The following SCUBE3 variants were observed in gnomAD, a reference collection of about 807,000 sequenced individuals.
SCUBE3 encodes the protein signal peptide, CUB and EGF-like domain-containing protein 3.
Under a neutral mutation model 116.8 loss-of-function variants are expected in SCUBE3, and 33 were observed. The ratio of observed to expected loss-of-function variants is 0.28; its 90% CI spans 0.21 to 0.38. The LOEUF (loss-of-function observed/expected upper bound fraction) is 0.38, where lower values mean the gene tolerates loss of function less well. Among genes scored for constraint, SCUBE3 ranks in the 10% least tolerant of loss-of-function variants. The pLI is 1.00. For missense variants in SCUBE3, 1,007 were observed against 1,324.8 expected (o/e 0.76, Z 3.72); for synonymous variants, 418 against 496.9 (o/e 0.84, Z 2.11).
chr6:35,229,640 C>G (rs1382087705), intron 3 of SCUBE3, among the ~76,000 whole-genome samples: 5 of 152,294 alleles, frequency 3.3e-5, no homozygotes, highest in Admixed American at 6.5e-5. Flanking sequence ...TCACCCTCTC[C>G]TCACTGATCT....
chr6:35,242,539 T>TA, intron 13 of SCUBE3, 83 bp from the exon 14 acceptor site: 1 of 1,258,482 alleles, frequency 7.9e-7, no homozygotes, highest in Non-Finnish European at 1.1e-6. Flanking sequence ...TAGTTACAGT[T>TA]AGAGATCTGG....
chr6:35,220,567 A>C (rs753297098), intron 1 of SCUBE3: 1 of 152,118 alleles, frequency 6.6e-6, no homozygotes, highest in Non-Finnish European at 1.5e-5. Context: ...AAGGGAGAAA[A>C]TTCTTGTCCA....
intron 6 of SCUBE3, among the ~76,000 whole-genome samples, chr6:35,237,438 A>T (rs1783822504): frequency 6.6e-6 from 1 of 152,124 alleles, no homozygotes; most frequent in Non-Finnish European, 1.5e-5. Context: ...ATTCTTTCCA[A>T]TCCACTTACA....
chr6:35,214,102 G>T lies in SCUBE3; in HGVS notation c.-317G>T, dbSNP rs1046319400. ...GCTGGGAATTGGGTGGGATTACACG[G>T]AGCAGCCCCGCCGCCGCCGCTGGCA... On this transcript the variant is annotated 5_prime_UTR_variant, in exon 1 of 22. Coordinates refer to ENST00000274938, the MANE Select transcript of SCUBE3 (RefSeq NM_152753.4). This position sits in a 1 kb window ranked among gnomAD's most constrained non-coding sequence, Gnocchi z 6.3. Among the ~76,000 whole-genome samples, 3 of 152,188 alleles carry T rather than the reference G, an allele frequency of 2.0e-5. No individual in the cohort carries two copies. Among genetic ancestry groups the T allele is most frequent in the Admixed American group, 6.5e-5 (1 of 15,292 alleles).
At chr6:35,220,658 G>A (rs1783088778) in intron 1 of SCUBE3, 1 of 152,242 alleles carries the variant, frequency 6.6e-6, no homozygotes, top group South Asian at 2.1e-4. Flanking sequence ...AGGGTCCCCA[G>A]TAAGTGACAA....
chr6:35,239,964 C>A lies in SCUBE3; in HGVS notation c.952+90C>A. 8.9e-7 allele frequency: 1 copy of A among 1,128,050 alleles called. No individual in the cohort carries two copies. The highest frequency in any genetic ancestry group is 1.2e-6 in the Non-Finnish European group (1 of 811,820). 69.9% of individuals were successfully genotyped at this position (1,128,050 alleles called of 1,614,324 possible). ...CCAGAGGGCTAAAGTCTTAGAAACT[C>A]AATAGATATCACACAGAGTCTCTAG... is the stretch of plus-strand genomic sequence containing the variant. On this transcript the variant is annotated intron_variant, in intron 8 of 21. Coordinates refer to ENST00000274938, the MANE Select transcript of SCUBE3 (RefSeq NM_152753.4). The surrounding 1 kb of genome is among the most constrained non-coding windows in gnomAD (Gnocchi z 4.1).
chr6:35,241,023 C>A lies in SCUBE3; in HGVS notation c.1070-118C>A. 1.1e-6 allele frequency: 1 copy of A among 934,072 alleles called. No individual in the cohort carries two copies. Among genetic ancestry groups the A allele is most frequent in the Non-Finnish European group, 1.6e-6 (1 of 613,884 alleles). The allele number at this position is 934,072 out of a possible 1,614,324, so 57.9% of individuals were successfully genotyped here. A position where few individuals can be genotyped will look rare whatever the true frequency, so the allele number is the denominator to read the frequency against. On this transcript the variant is annotated intron_variant, in intron 9 of 21. Coordinates refer to ENST00000274938, the MANE Select transcript of SCUBE3 (RefSeq NM_152753.4). This position sits in a 1 kb window ranked among gnomAD's most constrained non-coding sequence, Gnocchi z 4.1. ...GTACAGTAGATCTCTCGAACTTATT[C>A]ATCTTGCGTAATGCAGGGTACCTGA...
chr6:35,236,912 T>C (rs1783799163), intron 6 of SCUBE3, among the ~76,000 whole-genome samples: 1 of 152,182 alleles, frequency 6.6e-6, no homozygotes, highest in Admixed American at 6.5e-5. Context: ...TGGCTTTTCC[T>C]TGGACACATC....
In SCUBE3 at chr6:35,244,689, A is replaced by G; in HGVS notation, c.2279A>G (p.His760Arg). Residue 760 changes from histidine (H) to arginine (R), a missense_variant, in exon 18 of 22, where the codon CAC becomes CGC. By Grantham distance (29) the His-to-Arg change is conservative (BLOSUM62 0). Transcript: ENST00000274938. The surrounding 1 kb of genome is among the most constrained non-coding windows in gnomAD (Gnocchi z 4.3). ...GGGCACTACTACAACACCAGCATCCACCGCTGTATTCGCTGTGCCATGGGC... is the reference window on the plus strand; with the variant it reads ...GGGCACTACTACAACACCAGCATCCGCCGCTGTATTCGCTGTGCCATGGGC... Reference protein sequence around the residue: ...SPGHYYNTSIHRCIRCAMGSY... With the variant: ...SPGHYYNTSIRRCIRCAMGSY... The G allele has an allele frequency of 1.2e-6, 2 of 1,613,942 alleles. No individual in the cohort carries two copies. Among genetic ancestry groups the G allele is most frequent in the Non-Finnish European group, 1.7e-6 (2 of 1,179,976 alleles).
chr6:35,245,485 A>G lies in SCUBE3; in HGVS notation c.2599+60A>G, dbSNP rs1412640188. On this transcript the variant is annotated intron_variant, in intron 19 of 21. Coordinates refer to ENST00000274938, the MANE Select transcript of SCUBE3 (RefSeq NM_152753.4). This position sits in a 1 kb window ranked among gnomAD's most constrained non-coding sequence, Gnocchi z 4.2. ...AGTCCAAATCTGGTTAAGGCGGAGAACAAAGAGAGAGACTGATACAGGAAG... is the reference window on the plus strand; with the variant it reads ...AGTCCAAATCTGGTTAAGGCGGAGAGCAAAGAGAGAGACTGATACAGGAAG... 2 of 1,389,900 alleles carry G rather than the reference A, an allele frequency of 1.4e-6. No individual in the cohort carries two copies. Among genetic ancestry groups the G allele is most frequent in the Non-Finnish European group, 2.0e-6 (2 of 977,096 alleles). The allele number at this position is 1,389,900 out of a possible 1,614,324, so 86.1% of individuals were successfully genotyped here. A position where few individuals can be genotyped will look rare whatever the true frequency, so the allele number is the denominator to read the frequency against.
Position 35,245,238 on chromosome 6 carries a change from T to C in SCUBE3, c.2412T>C (p.Cys804=). The C allele has an allele frequency of 6.2e-7, 1 of 1,614,168 alleles. No homozygotes were observed. The highest frequency in any genetic ancestry group is 8.5e-7 in the Non-Finnish European group (1 of 1,180,028). Residue 804 remains cysteine, a synonymous_variant, in exon 19 of 22, where the codon TGT becomes TGC. Coordinates refer to ENST00000274938, the MANE Select transcript of SCUBE3 (RefSeq NM_152753.4). This position sits in a 1 kb window ranked among gnomAD's most constrained non-coding sequence, Gnocchi z 4.2. ...GGGGTTTGGCTGCAGATCGTCAGTGTGGTGGGGAGCTGGGTGAGTTCACTG... is the reference window on the plus strand; with the variant it reads ...GGGGTTTGGCTGCAGATCGTCAGTGCGGTGGGGAGCTGGGTGAGTTCACTG... ...TSVAQCKNRQ[C]GGELGEFTGY... is the part of the protein sequence containing the mutation.
intron 21 of SCUBE3, 134 bp from the exon 22 acceptor site, chr6:35,248,422 G>T: frequency 1.3e-6 from 1 of 785,806 alleles, no homozygotes. Context: ...GTGGGAATGG[G>T]AATCCAGAGT....
Position 35,242,255 on chromosome 6 carries a change from C to T in SCUBE3, c.1469C>T (p.Ala490Val). The change falls in exon 13 of 22, where the codon GCC becomes GTC. Residue 490 changes from alanine (A) to valine (V), a missense_variant. Ala to Val is a moderately conservative substitution (Grantham distance 64, BLOSUM62 0). This residue lies in a region of SCUBE3 where 544 missense variants were observed against 638.9 expected (regional missense o/e 0.85). Coordinates refer to ENST00000274938, the MANE Select transcript of SCUBE3 (RefSeq NM_152753.4). ...KQRASFKIKD[A>V]KCRLHLRNKG... is the part of the protein sequence containing the mutation. The stretch of plus-strand genomic sequence containing the variant: ...CGGGCCTCCTTCAAGATCAAGGATG[C>T]CAAATGCCGTTTGCACCTGCGAAAC... 2.5e-6 allele frequency: 4 copies of T among 1,614,050 alleles called. No individual in the cohort carries two copies. The highest frequency in any genetic ancestry group is 3.4e-6 in the Non-Finnish European group (4 of 1,179,918).
rs747450031 is a variant in SCUBE3, at chr6:35,237,949, G to A, written c.760G>A (p.Ala254Thr). 1.2e-6 allele frequency: 2 copies of A among 1,613,416 alleles called. No homozygotes were observed. The highest frequency in any genetic ancestry group is 1.7e-5 in the Admixed American group (1 of 60,024). Residue 254 changes from alanine (A) to threonine (T), a missense_variant, in exon 7 of 22, where the codon GCA becomes ACA. Transcript: ENST00000274938. The part of the protein sequence containing the change: ...NGGCDSKCHD[A>T]ATGVHCTCPV... ...GGGCTGTGACAGTAAGTGCCATGAT[G>A]CAGCGACTGGTGTCCACTGCACCTG...
Position 35,241,773 on chromosome 6 carries a change from C to A in SCUBE3, c.1313-33C>A. 1 of 1,568,422 alleles carries A rather than the reference C, an allele frequency of 6.4e-7. No individual in the cohort carries two copies. Among genetic ancestry groups the A allele is most frequent in the Non-Finnish European group, 8.8e-7 (1 of 1,138,390 alleles). Reference sequence around the variant, plus strand: ...CTCCAGCCAGCGGGGGTTGGGAAGGCAGGTCAGAACTGTGACAGGCTCCTT... The same window carrying A: ...CTCCAGCCAGCGGGGGTTGGGAAGGAAGGTCAGAACTGTGACAGGCTCCTT... On this transcript the variant is annotated intron_variant, in intron 11 of 21. Coordinates refer to ENST00000274938, the MANE Select transcript of SCUBE3 (RefSeq NM_152753.4). This position sits in a 1 kb window ranked among gnomAD's most constrained non-coding sequence, Gnocchi z 4.1.
In SCUBE3 at chr6:35,245,324, A is replaced by G; in HGVS notation, c.2498A>G (p.Asn833Ser). 1 of 1,614,134 alleles carries G rather than the reference A, an allele frequency of 6.2e-7. No homozygotes were observed. Among genetic ancestry groups the G allele is most frequent in the Admixed American group, 1.7e-5 (1 of 60,028 alleles). Reference protein sequence around the residue: ...NYPAGVECIWNINPPPKRKIL... With the variant: ...NYPAGVECIWSINPPPKRKIL... Reference sequence around the variant, plus strand: ...CCAGCTGGTGTGGAGTGCATCTGGAACATCAACCCCCCACCCAAGCGCAAG... The same window carrying G: ...CCAGCTGGTGTGGAGTGCATCTGGAGCATCAACCCCCCACCCAAGCGCAAG... The change falls in exon 19 of 22, where the codon AAC becomes AGC. Residue 833 changes from asparagine to serine, a missense_variant. Transcript: ENST00000274938. This position sits in a 1 kb window ranked among gnomAD's most constrained non-coding sequence, Gnocchi z 4.2.
In SCUBE3 at chr6:35,235,326, C is replaced by A; in HGVS notation, c.712+2025C>A. The A allele has an allele frequency of 2.3e-6, 1 of 435,092 alleles. No homozygotes were observed. The highest frequency in any genetic ancestry group is 1.7e-5 in the South Asian group (1 of 59,272). 27.0% of individuals were successfully genotyped at this position (435,092 alleles called of 1,614,324 possible). ...CTGTCATAAGGGTCCCAGGGCTCAT[C>A]ATTTGGGGCTACTGGTTTGGGCTGG... On this transcript the variant is annotated intron_variant, in intron 6 of 21. Transcript: ENST00000274938. This position sits in a 1 kb window ranked among gnomAD's most constrained non-coding sequence, Gnocchi z 4.5.
At chr6:35,237,343 G>A (rs1783818246) in intron 6 of SCUBE3, among the ~76,000 whole-genome samples, 1 of 152,162 alleles carries the variant, frequency 6.6e-6, no homozygotes, top group African/African-American at 2.4e-5. Context: ...CTGGAAGTGG[G>A]ATCTTTCTTA....
Position 35,244,069 on chromosome 6 carries a change from TGGTGGG to T in SCUBE3, c.2181_2186del (p.Gly728_Gly729del). ...CAGGACGGACCCTATGCTTCCCTTG[TGGTGGG>T]GGCCTCACCACCAAGCATGAAGGGG... is the stretch of plus-strand genomic sequence containing the variant. On this transcript the variant is annotated inframe_deletion, in exon 17 of 22. Transcript: ENST00000274938. This position sits in a 1 kb window ranked among gnomAD's most constrained non-coding sequence, Gnocchi z 4.3. 1 of 1,614,098 alleles carries T rather than the reference TGGTGGG, an allele frequency of 6.2e-7. No individual in the cohort carries two copies. Among genetic ancestry groups the T allele is most frequent in the South Asian group, 1.1e-5 (1 of 91,068 alleles).
Sources: allele counts gnomAD v4.1 joint callset (sites outside exome capture counted in the v4.1 genomes callset), GRCh38; gene constraint gnomAD v4.1.1; regional missense constraint gnomAD v4.1.1; non-coding constraint Gnocchi (gnomAD v3.1); transcripts MANE v1.5; gene names NCBI Gene and HGNC (gene_info 2026-07-23, HGNC 2026-07-21).